The following ARID4B variants were observed in gnomAD, a reference collection of about 807,000 sequenced individuals.
ARID4B encodes AT-rich interaction domain 4B.
ARID4B carries 26 observed loss-of-function variants against 147.5 expected under a neutral mutation model. That is an observed-to-expected ratio of 0.18 (90% CI 0.13 to 0.24). ARID4B has a LOEUF of 0.24. Among genes scored for constraint, ARID4B ranks in the 10% least tolerant of loss-of-function variants. The pLI is 1.00. For missense variants in ARID4B, 1,179 were observed against 1,511.5 expected (o/e 0.78, Z 3.65); for synonymous variants, 512 against 507.9 (o/e 1.01, Z -0.11).
chr1:235,314,403 G>T (rs553855328), intron 2 of ARID4B, among the ~76,000 whole-genome samples: 1 of 152,208 alleles, frequency 6.6e-6, no homozygotes, highest in South Asian at 2.1e-4. Context: ...TACAAAAATT[G>T]AAACTGATGT....
intron 23 of ARID4B, among the ~76,000 whole-genome samples, chr1:235,168,959 C>CT (rs915227959): frequency 3.3e-5 from 5 of 152,286 alleles, no homozygotes; most frequent in East Asian, 1.9e-4. Flanking sequence ...ACAGAATACA[C>CT]TTTTTGTAAC....
At chr1:235,243,970 A>G (rs1669146752) in intron 7 of ARID4B, among the ~76,000 whole-genome samples, 1 of 152,182 alleles carries the variant, frequency 6.6e-6, no homozygotes, top group South Asian at 2.1e-4. Context: ...TAGTTACACA[A>G]TTTTATGAAT....
In ARID4B at chr1:235,167,386, A is replaced by T. The variant is rs1180087069; in HGVS notation, c.*1139T>A. On this transcript the variant is annotated 3_prime_UTR_variant, in exon 24 of 24. Coordinates refer to ENST00000264183, the MANE Select transcript of ARID4B (RefSeq NM_016374.6). The stretch of plus-strand genomic sequence containing the variant: ...ATACAAATGTCTTACAAAGGTGAAG[A>T]ATTAAATACAAGTGCCAAACAGAAC... 4.5e-6 allele frequency: 1 copy of T among 221,750 alleles called. No homozygotes were observed. The highest frequency in any genetic ancestry group is 5.7e-5 in the Admixed American group (1 of 17,396). The allele number at this position is 221,750 out of a possible 1,614,324, so 13.7% of individuals were successfully genotyped here. A position where few individuals can be genotyped will look rare whatever the true frequency, so the allele number is the denominator to read the frequency against.
chr1:235,210,224 GTC>G (rs533354954), intron 17 of ARID4B, among the ~76,000 whole-genome samples: 13 of 151,982 alleles, frequency 8.6e-5, no homozygotes, highest in African/African-American at 2.4e-4. Context: ...GGTCCTGTCT[GTC>G]TCTCTCTTTT....
At chr1:235,262,911 T>C (rs1404322501) in intron 2 of ARID4B, among the ~76,000 whole-genome samples, 2 of 152,238 alleles carry the variant, frequency 1.3e-5, no homozygotes, top group Admixed American at 6.5e-5. Context: ...TGTACATCAA[T>C]TCATCATGTT....
chr1:235,317,350 C>G (rs938874178), intron 2 of ARID4B, among the ~76,000 whole-genome samples: 1 of 152,130 alleles, frequency 6.6e-6, no homozygotes, highest in Non-Finnish European at 1.5e-5. Flanking sequence ...ATCTATGGCT[C>G]CTCTCCTCTG....
Position 235,167,394 on chromosome 1 carries a change from A to G in ARID4B, c.*1131T>C. 4.5e-6 allele frequency: 1 copy of G among 222,092 alleles called. No individual in the cohort carries two copies. Among genetic ancestry groups the G allele is most frequent in the East Asian group, 6.6e-5 (1 of 15,078 alleles). 13.8% of individuals were successfully genotyped at this position (222,092 alleles called of 1,614,324 possible). Reference sequence around the variant, plus strand: ...GTCTTACAAAGGTGAAGAATTAAATACAAGTGCCAAACAGAACAGAGATTG... The same window carrying G: ...GTCTTACAAAGGTGAAGAATTAAATGCAAGTGCCAAACAGAACAGAGATTG... On this transcript the variant is annotated 3_prime_UTR_variant, in exon 24 of 24. Transcript: ENST00000264183.
At chr1:235,264,171 T>C (rs1439108415) in intron 2 of ARID4B, among the ~76,000 whole-genome samples, 1 of 152,218 alleles carries the variant, frequency 6.6e-6, no homozygotes, top group Non-Finnish European at 1.5e-5. Context: ...GTTACTTTTC[T>C]GTTCCTAAAT....
chr1:235,233,717 A>G (rs1218200485), intron 9 of ARID4B, among the ~76,000 whole-genome samples: 1 of 152,148 alleles, frequency 6.6e-6, no homozygotes, highest in Non-Finnish European at 1.5e-5. Flanking sequence ...ACCATTAGAC[A>G]TAACTAGTAG....
At chr1:235,216,562 C>T (rs539139272) in intron 16 of ARID4B, among the ~76,000 whole-genome samples, 3 of 151,996 alleles carry the variant, frequency 2.0e-5, no homozygotes, top group Non-Finnish European at 2.9e-5. Context: ...AGGCTGGTCT[C>T]GAACTCCTGA....
intron 16 of ARID4B, among the ~76,000 whole-genome samples, chr1:235,219,495 C>T (rs925833420): frequency 1.3e-5 from 2 of 151,964 alleles, no homozygotes; most frequent in Admixed American, 1.3e-4. Flanking sequence ...TGGACATAGC[C>T]CCAAGTTTAT....
chr1:235,294,661 T>C (rs1672569962), intron 2 of ARID4B, among the ~76,000 whole-genome samples: 1 of 150,110 alleles, frequency 6.7e-6, no homozygotes, highest in African/African-American at 2.4e-5. Flanking sequence ...TACAGGCGCT[T>C]GCTACCACAC....
intron 2 of ARID4B, among the ~76,000 whole-genome samples, chr1:235,290,277 C>T (rs985843765): frequency 6.6e-6 from 1 of 151,682 alleles, no homozygotes; most frequent in African/African-American, 2.4e-5. Context: ...CACCTGTCTC[C>T]ACTAAAAATA....
chr1:235,229,199 A>C (rs777870482), intron 11 of ARID4B, 32 bp downstream of exon 11: 1 of 1,594,648 alleles, frequency 6.3e-7, no homozygotes, highest in Admixed American at 1.8e-5. Flanking sequence ...TGTTATTTAT[A>C]ATTTTAAAAG....
In ARID4B at chr1:235,240,422, C is replaced by T; in HGVS notation, c.476G>A (p.Ser159Asn). 5.0e-6 allele frequency: 8 copies of T among 1,612,928 alleles called. No homozygotes were observed. The highest frequency in any genetic ancestry group is 5.1e-6 in the Non-Finnish European group (6 of 1,179,168). The change falls in exon 8 of 24, where the codon AGT (serine) becomes AAT (asparagine). Residue 159 changes from serine to asparagine, a missense_variant. Physicochemically the swap from Ser to Asn is conservative, Grantham distance 46. Around this residue, in one of 10 missense-constraint regions of ARID4B, gnomAD observed 159 missense variants for 190.5 expected, o/e 0.83. Transcript: ENST00000264183. ...IPEEESSSSS[S>N]DEDEDDRKQI... Reference sequence around the variant, plus strand: ...TTTCCTATCATCCTCATCTTCATCACTGGAGGATGATGAAGACTCTTCCTC... The same window carrying T: ...TTTCCTATCATCCTCATCTTCATCATTGGAGGATGATGAAGACTCTTCCTC...
chr1:235,301,213 A>G (rs1389759643), intron 2 of ARID4B, among the ~76,000 whole-genome samples: 1 of 151,460 alleles, frequency 6.6e-6, no homozygotes. Context: ...TGTAAATTTT[A>G]TTAAATCTAA....
Position 235,190,105 on chromosome 1 carries a change from T to C in ARID4B, c.2125+3908A>G, listed in dbSNP as rs547986869. The stretch of plus-strand genomic sequence containing the variant: ...ATATATCTGTTCTCTTCCTTTGGCC[T>C]TGTGTAGATATATTTCAGAGTTAAA... On this transcript the variant is annotated intron_variant, in intron 19 of 23. Transcript: ENST00000264183. The C allele has an allele frequency of 8.4e-5, 13 of 154,384 alleles. No homozygotes were observed. The Admixed American group carries it at 8.5e-4, about 10-fold the overall frequency. 9.6% of individuals were successfully genotyped at this position (154,384 alleles called of 1,614,324 possible). A position where few individuals can be genotyped will look rare whatever the true frequency, so the allele number is the denominator to read the frequency against.
At chr1:235,187,074 A>G (rs1276362590) in intron 19 of ARID4B, 3 of 304,120 alleles carry the variant, frequency 9.9e-6, no homozygotes, top group Admixed American at 4.7e-5. Context: ...ACTGCATCTT[A>G]TTCTTTTTTT....
chr1:235,297,176 A>G (rs575882532), intron 2 of ARID4B, among the ~76,000 whole-genome samples: 1 of 152,310 alleles, frequency 6.6e-6, no homozygotes, highest in South Asian at 2.1e-4. Context: ...AGAACACAGG[A>G]ACCCATCTGA....
Sources: allele counts gnomAD v4.1 joint callset (sites outside exome capture counted in the v4.1 genomes callset), GRCh38; gene constraint gnomAD v4.1.1; regional missense constraint gnomAD v4.1.1; transcripts MANE v1.5; gene names NCBI Gene and HGNC (gene_info 2026-07-23, HGNC 2026-07-21).